The following BUB1B variants were observed in gnomAD, a reference collection of about 807,000 sequenced individuals.
BUB1B encodes the protein mitotic checkpoint serine/threonine-protein kinase BUB1 beta.
BUB1B carries 86 observed loss-of-function variants against 137.7 expected under a neutral mutation model. The ratio of observed to expected loss-of-function variants is 0.62; its 90% CI spans 0.52 to 0.75. The LOEUF is 0.75. Among genes scored for constraint, BUB1B ranks in the 30% least tolerant of loss-of-function variants. BUB1B has a pLI of 0.00. For missense variants in BUB1B, 1,130 were observed against 1,236.9 expected (o/e 0.91, Z 1.30); for synonymous variants, 420 against 417.9 (o/e 1.00, Z -0.06).
intron 8 of BUB1B, among the ~76,000 whole-genome samples, chr15:40,186,582 C>A (rs1566820855): frequency 6.6e-6 from 1 of 151,440 alleles, no homozygotes; most frequent in Non-Finnish European, 1.5e-5. Flanking sequence ...GTAGCTGGAA[C>A]TACAGGCATC....
Position 40,216,536 on chromosome 15 carries a change from CTATATATATACTA to C in BUB1B, c.2679-949_2679-937del, listed in dbSNP as rs1321428832. 3.0e-5 allele frequency among the ~76,000 whole-genome samples: 4 copies of C among 131,878 alleles called. No individual in the cohort carries two copies. The Admixed American group carries it at 3.5e-4, about 11-fold the overall frequency. The allele number at this position is 131,878 out of a possible 152,430, so 86.5% of individuals were successfully genotyped here. ...ATATCAGAATCCACGATCCCTATAA[CTATATATATACTA>C]TATATATATATATATATATATATTT... On this transcript the variant is annotated intron_variant, in intron 20 of 22. Transcript: ENST00000287598.
chr15:40,215,382 G>A (rs1038122097), intron 20 of BUB1B, among the ~76,000 whole-genome samples: 2 of 152,132 alleles, frequency 1.3e-5, no homozygotes, highest in East Asian at 3.9e-4. Flanking sequence ...TGAGGAAGGA[G>A]AATTGCTTGA....
At position 40,183,727 on chromosome 15, in the gene BUB1B, C is replaced by T. The variant is rs1403423766; in HGVS notation, c.595C>T (p.Arg199Ter). 2.5e-6 allele frequency: 4 copies of T among 1,614,010 alleles called. No individual in the cohort carries two copies. The highest frequency in any genetic ancestry group is 1.1e-5 in the South Asian group (1 of 91,074). The change falls in exon 6 of 23, where the codon CGA (arginine) becomes TGA (stop). Residue 199 changes from arginine to a stop codon, truncating the protein, a stop_gained. Coordinates refer to ENST00000287598, the MANE Select transcript of BUB1B (RefSeq NM_001211.6). LOFTEE classifies it high-confidence loss of function. Reference sequence around the variant, plus strand: ...CTGCTACTTTAGACAATTCCAAGCTCGAGTGTCTCGGCAAACTCTGTTGGC... The same window carrying T: ...CTGCTACTTTAGACAATTCCAAGCTTGAGTGTCTCGGCAAACTCTGTTGGC... ...LQSQHRQFQARVSRQTLLALE... is the reference protein window; with the variant it reads ...LQSQHRQFQA
intron 18 of BUB1B, 33 bp from the exon 19 acceptor site, chr15:40,212,466 C>T (rs773118868): frequency 3.2e-6 from 5 of 1,585,590 alleles, no homozygotes; most frequent in Non-Finnish European, 3.5e-6. Context: ...ATAGACTTAA[C>T]TGAACTTATT....
chr15:40,213,566 C>A, intron 20 of BUB1B, 92 bp downstream of exon 20: 1 of 1,395,450 alleles, frequency 7.2e-7, no homozygotes, highest in Non-Finnish European at 1.0e-6. Flanking sequence ...GCGAGGGTCT[C>A]ACTCTGTCAC....
At chr15:40,179,212 G>A (rs1168348194) in intron 5 of BUB1B, among the ~76,000 whole-genome samples, 2 of 151,738 alleles carry the variant, frequency 1.3e-5, no homozygotes, top group South Asian at 2.1e-4. Context: ...CTGTTTTCAA[G>A]GTTCATCATA....
At chr15:40,204,657 G>T (rs370392613) in intron 14 of BUB1B, among the ~76,000 whole-genome samples, 1 of 150,028 alleles carries the variant, frequency 6.7e-6, no homozygotes, top group Non-Finnish European at 1.5e-5. Flanking sequence ...TTCTTTTTTA[G>T]ACAGGGCCTC....
intron 15 of BUB1B, 146 bp from the exon 16 acceptor site, chr15:40,208,491 T>C: frequency 1.3e-6 from 1 of 742,596 alleles, no homozygotes; most frequent in Non-Finnish European, 2.2e-6. Context: ...TGAGCCAAGA[T>C]CATGCAGTTG....
chr15:40,201,120 C>T (rs757239341), intron 12 of BUB1B, 140 bp downstream of exon 12: 112 of 701,516 alleles, frequency 1.6e-4, no homozygotes, highest in Admixed American at 8.0e-4. Context: ...TAAGCATATG[C>T]TTTATGATAG....
At chr15:40,167,917 C>G (rs566491448) in intron 2 of BUB1B, among the ~76,000 whole-genome samples, 8 of 152,216 alleles carry the variant, frequency 5.3e-5, no homozygotes, top group African/African-American at 1.7e-4. Flanking sequence ...ATAAAATACA[C>G]TGTTTTGATT....
intron 20 of BUB1B, among the ~76,000 whole-genome samples, chr15:40,214,961 A>G (rs935591065): frequency 6.6e-5 from 10 of 152,048 alleles, no homozygotes; most frequent in Non-Finnish European, 1.3e-4. Flanking sequence ...TTAAAATGAC[A>G]GTGCTGAAAT....
intron 20 of BUB1B, among the ~76,000 whole-genome samples, chr15:40,216,889 A>G (rs942910536): frequency 1.1e-4 from 17 of 152,072 alleles, no homozygotes; most frequent in Non-Finnish European, 1.9e-4. Flanking sequence ...GGAAAACAAA[A>G]TTAATTGATA....
chr15:40,199,047 T>A (rs547827326), intron 9 of BUB1B, among the ~76,000 whole-genome samples: 2 of 152,348 alleles, frequency 1.3e-5, no homozygotes, highest in South Asian at 4.1e-4. Context: ...GACACAGTGG[T>A]CTTTTCCTGC....
rs769831434 is a variant in BUB1B, at chr15:40,199,728, G to C, written c.1401+1G>C. The C allele has an allele frequency of 6.2e-7, 1 of 1,608,038 alleles. No individual in the cohort carries two copies. Among genetic ancestry groups the C allele is most frequent in the South Asian group, 1.1e-5 (1 of 90,926 alleles). On this transcript the variant is annotated splice_donor_variant, in intron 10 of 22. Coordinates refer to ENST00000287598, the MANE Select transcript of BUB1B (RefSeq NM_001211.6). LOFTEE classifies it high-confidence loss of function. ...TCAGCAAGAAAGAACAGGTGATCAG[G>C]TAATTTTTCTTTTTTCATACACAAA...
intron 5 of BUB1B, among the ~76,000 whole-genome samples, chr15:40,178,463 GTTTGT>G (rs1431738642): frequency 1.3e-5 from 2 of 151,930 alleles, no homozygotes; most frequent in East Asian, 3.9e-4. Context: ...ATTTGTTAAG[GTTTGT>G]TTTATCACCC....
Position 40,212,081 on chromosome 15 carries a change from C to T in BUB1B, c.2386-418C>T, listed in dbSNP as rs575422331. Among the ~76,000 whole-genome samples, 6 of 152,308 alleles carry T rather than the reference C, an allele frequency of 3.9e-5. No homozygotes were observed. In the South Asian group the frequency reaches 1.0e-3, roughly 26 times the overall value. On this transcript the variant is annotated intron_variant, in intron 18 of 22. Transcript: ENST00000287598. Reference sequence around the variant, plus strand: ...AACCCCTGATGTCAGGTAATCCACACGCCTCAGCCTCCCAGAGTGCTGGGA... The same window carrying T: ...AACCCCTGATGTCAGGTAATCCACATGCCTCAGCCTCCCAGAGTGCTGGGA...
rs775152576 is a variant in BUB1B, at chr15:40,183,707, A to G, written c.582-7A>G. 3.1e-6 allele frequency: 5 copies of G among 1,613,974 alleles called. No individual in the cohort carries two copies. Among genetic ancestry groups the G allele is most frequent in the Non-Finnish European group, 4.2e-6 (5 of 1,179,874 alleles). On this transcript the variant is annotated splice_polypyrimidine_tract_variant and splice_region_variant and intron_variant, in intron 5 of 22. Transcript: ENST00000287598. Reference sequence around the variant, plus strand: ...CTCACTAAAAGTTGTGCATTCTGCTACTTTAGACAATTCCAAGCTCGAGTG... The same window carrying G: ...CTCACTAAAAGTTGTGCATTCTGCTGCTTTAGACAATTCCAAGCTCGAGTG...
At position 40,161,263 on chromosome 15, in the gene BUB1B, C is replaced by A. The variant is rs772788653; in HGVS notation, c.35+8C>A. 1.2e-6 allele frequency: 2 copies of A among 1,611,336 alleles called. No individual in the cohort carries two copies. Among genetic ancestry groups the A allele is most frequent in the Non-Finnish European group, 1.7e-6 (2 of 1,178,706 alleles). ...GGAAGGGGGTGCTCTGAGGTAGGTACGGGAGAAAGCTGCTGGGGGCTGGGC... is the reference window on the plus strand; with the variant it reads ...GGAAGGGGGTGCTCTGAGGTAGGTAAGGGAGAAAGCTGCTGGGGGCTGGGC... On this transcript the variant is annotated splice_region_variant and intron_variant, in intron 1 of 22. Transcript: ENST00000287598.
Position 40,206,327 on chromosome 15 carries a change from G to A in BUB1B, c.1878G>A (p.Met626Ile), listed in dbSNP as rs768489358. Residue 626 changes from methionine to isoleucine, a missense_variant, in exon 15 of 23, where the codon ATG becomes ATA. Physicochemically the swap from Met to Ile is conservative, Grantham distance 10. Coordinates refer to ENST00000287598, the MANE Select transcript of BUB1B (RefSeq NM_001211.6). Reference protein sequence around the residue: ...RFVSTPFHEIMSLKDLPSDPE... With the variant: ...RFVSTPFHEIISLKDLPSDPE... ...TATCCACTCCTTTTCATGAGATAATGTCCTTGAAGGATCTCCCTTCTGATC... is the reference window on the plus strand; with the variant it reads ...TATCCACTCCTTTTCATGAGATAATATCCTTGAAGGATCTCCCTTCTGATC... The A allele has an allele frequency of 1.2e-6, 2 of 1,614,160 alleles. No homozygotes were observed. The highest frequency in any genetic ancestry group is 1.7e-5 in the Admixed American group (1 of 60,008).
Sources: allele counts gnomAD v4.1 joint callset (sites outside exome capture counted in the v4.1 genomes callset), GRCh38; gene constraint gnomAD v4.1.1; transcripts MANE v1.5; gene names NCBI Gene and HGNC (gene_info 2026-07-23, HGNC 2026-07-21).